Variants in CAMK2B observed in about 807,000 individuals in gnomAD.
The protein encoded by CAMK2B is calcium/calmodulin-dependent protein kinase type II subunit beta.
In CAMK2B, 27 loss-of-function variants were observed where a neutral mutation model predicts 93.7. That is an observed-to-expected ratio of 0.29 (90% CI 0.21 to 0.40). The LOEUF (loss-of-function observed/expected upper bound fraction) is 0.40. Among genes scored for constraint, CAMK2B ranks in the 10% least tolerant of loss-of-function variants. The probability of loss-of-function intolerance (pLI) is 1.00; values close to 1 mark genes in which losing one functional copy is unlikely to be tolerated. For synonymous variants in CAMK2B, 374 were observed against 358.8 expected (o/e 1.04, Z -0.48); for missense variants, 568 against 895.8 (o/e 0.63, Z 4.67).
intron 1 of CAMK2B, among the ~76,000 whole-genome samples, chr7:44,306,994 GA>G (rs1791892929): frequency 7.4e-6 from 1 of 134,862 alleles, no homozygotes; most frequent in South Asian, 2.6e-4. Flanking sequence ...GTGTGAGCAG[GA>G]GGAGGAGGGT....
chr7:44,229,143 G>C, intron 18 of CAMK2B: 4 of 630,922 alleles, frequency 6.3e-6, no homozygotes, highest in Non-Finnish European at 1.2e-5. Context: ...ATTGAGGCCC[G>C]AGCCTCCAGG....
intron 8 of CAMK2B, 69 bp from the exon 9 acceptor site, chr7:44,242,723 C>T (rs1200486683): frequency 4.6e-6 from 5 of 1,077,924 alleles, no homozygotes; most frequent in African/African-American, 3.1e-5. Flanking sequence ...CCATGCCCTG[C>T]ACCCTCACTG....
At chr7:44,296,196 C>T (rs559562123) in intron 1 of CAMK2B, among the ~76,000 whole-genome samples, 9 of 152,128 alleles carry the variant, frequency 5.9e-5, no homozygotes, top group Non-Finnish European at 1.3e-4. Flanking sequence ...AATTCCCATG[C>T]TAAAGGCTCT....
At chr7:44,278,669 C>G (rs1035263776) in intron 2 of CAMK2B, among the ~76,000 whole-genome samples, 1 of 152,208 alleles carries the variant, frequency 6.6e-6, no homozygotes, top group African/African-American at 2.4e-5. Flanking sequence ...GAGGAAGTGC[C>G]AAGCATCCTT....
Position 44,283,625 on chromosome 7 carries a change from G to A in CAMK2B, c.160+506C>T, listed in dbSNP as rs567522043. On this transcript the variant is annotated intron_variant, in intron 2 of 23. Transcript: ENST00000395749. ...CACCTCCCAGTAGGCCATGACGCCAGGACTCTGCTGTCAGAAGGCAGATGG... is the reference window on the plus strand; with the variant it reads ...CACCTCCCAGTAGGCCATGACGCCAAGACTCTGCTGTCAGAAGGCAGATGG... Among the ~76,000 whole-genome samples the A allele has an allele frequency of 1.4e-4, 22 of 152,378 alleles. No homozygotes were observed. The South Asian group carries it at 4.6e-3, about 32-fold the overall frequency.
chr7:44,229,432 AG>A lies in CAMK2B; in HGVS notation c.1294del (p.Leu432CysfsTer23). ...GSGAPEAEGP[L>X]PCPSPAPFSP... is the part of the protein sequence containing the mutation. ...AAAGGGAGCCGGAGATGGGCAGGGC[AG>A]GGGCCCCTCGGCTTCTGGGGCTCCC... On this transcript the variant is annotated frameshift_variant, in exon 18 of 24. Coordinates refer to ENST00000395749, the MANE Select transcript of CAMK2B (RefSeq NM_001220.5). LOFTEE classifies it high-confidence loss of function. 1 of 1,499,130 alleles carries A rather than the reference AG, an allele frequency of 6.7e-7. No homozygotes were observed. 92.9% of individuals were successfully genotyped at this position (1,499,130 alleles called of 1,614,324 possible).
intron 5 of CAMK2B, among the ~76,000 whole-genome samples, chr7:44,252,399 T>C (rs904665491): frequency 3.3e-5 from 5 of 149,568 alleles, no homozygotes; most frequent in African/African-American, 7.4e-5. Flanking sequence ...GAGGGGGCTC[T>C]GGGGGGCTGC....
chr7:44,257,986 C>T (rs1290882300), intron 4 of CAMK2B, among the ~76,000 whole-genome samples: 1 of 152,240 alleles, frequency 6.6e-6, no homozygotes, highest in African/African-American at 2.4e-5. Context: ...GCTGTGTGGC[C>T]GCCTGGAGGC....
In CAMK2B at chr7:44,220,534, C is replaced by T. The variant is rs575246758; in HGVS notation, c.1768+82G>A. The T allele has an allele frequency of 5.9e-5, 72 of 1,228,542 alleles. No individual in the cohort carries two copies. The African/African-American group carries it at 1.0e-3, about 18-fold the overall frequency. The allele number at this position is 1,228,542 out of a possible 1,614,324, so 76.1% of individuals were successfully genotyped here. ...GAGGGGACAGGGCTTCCATAGGCAG[C>T]CACCATGCTGTCCCTGGGAGGGGCC... On this transcript the variant is annotated intron_variant, in intron 22 of 23. Coordinates refer to ENST00000395749, the MANE Select transcript of CAMK2B (RefSeq NM_001220.5).
chr7:44,299,499 AT>A (rs748330658), intron 1 of CAMK2B, among the ~76,000 whole-genome samples: 1 of 152,244 alleles, frequency 6.6e-6, no homozygotes, highest in Non-Finnish European at 1.5e-5. Context: ...ATGTTACTGA[AT>A]TGTATCCTTA....
intron 5 of CAMK2B, among the ~76,000 whole-genome samples, chr7:44,250,223 A>G (rs1422642281): frequency 6.6e-6 from 1 of 152,100 alleles, no homozygotes; most frequent in Non-Finnish European, 1.5e-5. Context: ...CTGTCCTCAT[A>G]TTGCCCTTGT....
At chr7:44,299,186 T>C (rs564330448) in intron 1 of CAMK2B, among the ~76,000 whole-genome samples, 25 of 152,358 alleles carry the variant, frequency 1.6e-4, no homozygotes, top group South Asian at 1.4e-3. Context: ...GTGGTCTATA[T>C]ATACAATGAA....
chr7:44,260,737 G>A (rs1446633793), intron 3 of CAMK2B, among the ~76,000 whole-genome samples: 1 of 152,120 alleles, frequency 6.6e-6, no homozygotes, highest in African/African-American at 2.4e-5. Context: ...CAGCACCAGG[G>A]TCTGGGGCCC....
intron 1 of CAMK2B, among the ~76,000 whole-genome samples, chr7:44,308,863 C>A (rs1792680758): frequency 6.6e-6 from 1 of 152,206 alleles, no homozygotes; most frequent in South Asian, 2.1e-4. Flanking sequence ...GCTGAGCAGA[C>A]CATCCCTCCC....
rs180694332 is a variant in CAMK2B at position 44,257,946 on chromosome 7, T to G, written c.275+926A>C. Among the ~76,000 whole-genome samples the G allele has an allele frequency of 8.4e-3, 1,274 of 152,346 alleles. 12 individuals carry two copies. The highest frequency in any genetic ancestry group is 0.012 in the Non-Finnish European group (783 of 68,014). ...CCATGGGGAGGGCCTGGGGTAACCATGGCAATAGCACCAAGGCTGGGCTTC... is the reference window on the plus strand; with the variant it reads ...CCATGGGGAGGGCCTGGGGTAACCAGGGCAATAGCACCAAGGCTGGGCTTC... On this transcript the variant is annotated intron_variant, in intron 4 of 23. Transcript: ENST00000395749.
chr7:44,282,005 C>G (rs1300826363), intron 2 of CAMK2B, among the ~76,000 whole-genome samples: 2 of 152,218 alleles, frequency 1.3e-5, no homozygotes, highest in African/African-American at 4.8e-5. Flanking sequence ...GAGGGCCAGA[C>G]AGTCCCATTC....
At chr7:44,262,020 C>G (rs2096882950) in intron 3 of CAMK2B, among the ~76,000 whole-genome samples, 1 of 152,236 alleles carries the variant, frequency 6.6e-6, no homozygotes, top group Non-Finnish European at 1.5e-5. Context: ...ATGCTGGGGT[C>G]CTGCTGGGTC....
intron 3 of CAMK2B, among the ~76,000 whole-genome samples, chr7:44,262,734 C>T (rs2096889882): frequency 6.6e-6 from 1 of 152,116 alleles, no homozygotes; most frequent in African/African-American, 2.4e-5. Context: ...GGGAAAGGGA[C>T]CTGTCCAGTC....
At position 44,228,877 on chromosome 7, in the gene CAMK2B, T is replaced by A; in HGVS notation, c.1387A>T (p.Thr463Ser). The stretch of plus-strand genomic sequence containing the variant: ...GAGAGGGGGCCCTCGGCTTCTGGGG[T>A]TCCTGAACCCCTTCTCACAGAGTTC... The part of the protein sequence containing the change: ...ILNSVRRGSG[T>S]PEAEGPLSAG... The change falls in exon 19 of 24, where the codon ACC becomes TCC. Residue 463 changes from threonine to serine, a missense_variant. Coordinates refer to ENST00000395749, the MANE Select transcript of CAMK2B (RefSeq NM_001220.5). The A allele has an allele frequency of 6.3e-7, 1 of 1,581,332 alleles. No individual in the cohort carries two copies. Among genetic ancestry groups the A allele is most frequent in the Non-Finnish European group, 8.6e-7 (1 of 1,161,012 alleles).
Sources: gnomAD v4.1 joint callset for allele counts (sites outside exome capture counted in the v4.1 genomes callset) on GRCh38, gnomAD v4.1.1 for gene constraint, MANE v1.5 for transcripts, NCBI Gene and HGNC (gene_info 2026-07-23, HGNC 2026-07-21) for gene names.